Variants in OXNAD1 observed in about 807,000 individuals in gnomAD.
OXNAD1 encodes the protein oxidoreductase NAD binding domain containing 1.
Under a neutral mutation model 32.9 loss-of-function variants are expected in OXNAD1, and 34 were observed. The ratio of observed to expected loss-of-function variants is 1.03; its 90% CI spans 0.79 to 1.38. OXNAD1 has a LOEUF of 1.38. OXNAD1 is among the 40% of genes most tolerant of loss of function. OXNAD1 has a pLI of 0.00. For missense variants in OXNAD1, 407 were observed against 379.4 expected (o/e 1.07, Z -0.60); for synonymous variants, 134 against 135.2 (o/e 0.99, Z 0.06).
At chr3:16,326,342 T>G (rs1005449280) in intron 9 of OXNAD1, among the ~76,000 whole-genome samples, 14 of 152,266 alleles carry the variant, frequency 9.2e-5, no homozygotes, top group African/African-American at 3.4e-4. Flanking sequence ...GGCTACACTT[T>G]CCTCAGCTGC....
At chr3:16,285,329 A>G (rs562478442) in intron 4 of OXNAD1, among the ~76,000 whole-genome samples, 1 of 152,198 alleles carries the variant, frequency 6.6e-6, no homozygotes, top group Non-Finnish European at 1.5e-5. Context: ...TGACCTTGAC[A>G]GATTTCCAAA....
intron 9 of OXNAD1, chr3:16,315,727 T>A (rs2068314613): frequency 6.6e-6 from 1 of 152,212 alleles, no homozygotes; most frequent in African/African-American, 2.4e-5. Context: ...TTTGTCTTCC[T>A]CCACCACGTC....
chr3:16,325,819 A>G (rs1246290157), intron 9 of OXNAD1, among the ~76,000 whole-genome samples: 3 of 152,128 alleles, frequency 2.0e-5, no homozygotes, highest in East Asian at 1.9e-4. Context: ...TGCACTCTCA[A>G]TCACCCTGGT....
rs375946247 is a variant in OXNAD1, at chr3:16,316,814, A to G, written c.*30+13222A>G. On this transcript the variant is annotated intron_variant, in intron 9 of 9. Coordinates refer to the OXNAD1 transcript ENST00000435829. This position sits in a 1 kb window ranked among gnomAD's most constrained non-coding sequence, Gnocchi z 4.5. ...TTGGCAACTCACCTAGTTTTAGCAC[A>G]AATTGCCCAAGACTCAGTTTTCTTC... 1.2e-6 allele frequency: 2 copies of G among 1,613,150 alleles called. No homozygotes were observed. The highest frequency in any genetic ancestry group is 2.7e-5 in the African/African-American group (2 of 74,930).
chr3:16,347,766 A>C (rs1181997314), intron 9 of OXNAD1: 1 of 152,110 alleles, frequency 6.6e-6, no homozygotes, highest in Admixed American at 6.5e-5. Context: ...TTTTGTTTAA[A>C]ATTATTATAA....
chr3:16,317,203 C>A lies in OXNAD1; in HGVS notation c.*30+13611C>A, dbSNP rs1183997720. The A allele has an allele frequency of 5.0e-6, 8 of 1,613,014 alleles. No individual in the cohort carries two copies. Among genetic ancestry groups the A allele is most frequent in the Non-Finnish European group, 6.8e-6 (8 of 1,179,972 alleles). ...TTGATTTCCTCATCTGCCTGTTGTG[C>A]ATTTCTTCTCTGGAGAATCGCCACT... On this transcript the variant is annotated intron_variant, in intron 9 of 9. Transcript: ENST00000435829. The surrounding 1 kb of genome is among the most constrained non-coding windows in gnomAD (Gnocchi z 4.3).
intron 9 of OXNAD1, chr3:16,349,159 T>A (rs747621526): frequency 1.3e-5 from 2 of 152,236 alleles, no homozygotes; most frequent in Admixed American, 6.5e-5. Context: ...AGCTTTTCTC[T>A]GTGACGTTCC....
rs1409892938 is a variant in OXNAD1 at position 16,297,361 on chromosome 3, G to A, written c.432+2364G>A. Among the ~76,000 whole-genome samples the A allele has an allele frequency of 1.3e-5, 2 of 152,124 alleles. No homozygotes were observed. The highest frequency in any genetic ancestry group is 2.9e-5 in the Non-Finnish European group (2 of 68,018). On this transcript the variant is annotated intron_variant, in intron 6 of 8. Coordinates refer to ENST00000285083, the MANE Select transcript of OXNAD1 (RefSeq NM_138381.5). This position sits in a 1 kb window ranked among gnomAD's most constrained non-coding sequence, Gnocchi z 4.3. ...AATACCAAGCGTTGGCAAGGATGTG[G>A]AGCAACTGGAACTCTCATATATTGC...
rs1411697206 is a variant in OXNAD1, at chr3:16,297,055, C to T, written c.432+2058C>T. 2.0e-5 allele frequency among the ~76,000 whole-genome samples: 3 copies of T among 152,174 alleles called. No individual in the cohort carries two copies. The highest frequency in any genetic ancestry group is 7.2e-5 in the African/African-American group (3 of 41,446). On this transcript the variant is annotated intron_variant, in intron 6 of 8. Transcript: ENST00000285083. The surrounding 1 kb of genome is among the most constrained non-coding windows in gnomAD (Gnocchi z 4.3). ...TTTAACACAATTTAAAAACAAGCTACAGACTAGGAGAAAATATTTACAAAT... is the reference window on the plus strand; with the variant it reads ...TTTAACACAATTTAAAAACAAGCTATAGACTAGGAGAAAATATTTACAAAT...
At position 16,305,349 on chromosome 3, in the gene OXNAD1, C is replaced by G. The variant is rs946398856; in HGVS notation, c.*1787C>G. On this transcript the variant is annotated 3_prime_UTR_variant, in exon 9 of 9. Coordinates refer to ENST00000285083, the MANE Select transcript of OXNAD1 (RefSeq NM_138381.5). This position sits in a 1 kb window ranked among gnomAD's most constrained non-coding sequence, Gnocchi z 4.5. ...TCGGTTTAGCCAGCACCACGGCTGG[C>G]TGTGTGCCTGCTACTGTCAGAGAGC... is the stretch of plus-strand genomic sequence containing the variant. 3.9e-5 allele frequency: 6 copies of G among 152,268 alleles called. No individual in the cohort carries two copies. Among genetic ancestry groups the G allele is most frequent in the African/African-American group, 1.4e-4 (6 of 41,440 alleles). 9.4% of individuals were successfully genotyped at this position (152,268 alleles called of 1,614,324 possible).
Position 16,302,636 on chromosome 3 carries a change from C to G in OXNAD1, c.676-4C>G. On this transcript the variant is annotated splice_region_variant and splice_polypyrimidine_tract_variant and intron_variant, in intron 7 of 8. Coordinates refer to ENST00000285083, the MANE Select transcript of OXNAD1 (RefSeq NM_138381.5). The surrounding 1 kb of genome is among the most constrained non-coding windows in gnomAD (Gnocchi z 4.2). Reference sequence around the variant, plus strand: ...AGTGTGACCAAATATGTTTGACATTCCAGAAAAATATCCTTGATTTAGTAA... The same window carrying G: ...AGTGTGACCAAATATGTTTGACATTGCAGAAAAATATCCTTGATTTAGTAA... 1 of 1,598,132 alleles carries G rather than the reference C, an allele frequency of 6.3e-7. No homozygotes were observed. The highest frequency in any genetic ancestry group is 8.6e-7 in the Non-Finnish European group (1 of 1,167,402).
rs10703577 is a variant in OXNAD1, at chr3:16,345,264, T to TTGTGTGTGTGTGTGTGTGTGTGTGTGTG, written c.*31-3902_*31-3875dup. On this transcript the variant is annotated intron_variant, in intron 9 of 9. Transcript: ENST00000606098. The surrounding 1 kb of genome is among the most constrained non-coding windows in gnomAD (Gnocchi z 5.2). ...AAACTGTAAGATAATAAGTAGGTGG[T>TTGTGTGTGTGTGTGTGTGTGTGTGTGTG]TGTGTGTGTGTGTGTGTGTGTGTGT... 1.5e-3 allele frequency: 214 copies of TTGTGTGTGTGTGTGTGTGTGTGTGTGTG among 145,912 alleles called. 3 individuals carry two copies. The highest frequency in any genetic ancestry group is 5.4e-3 in the African/African-American group (205 of 37,836). The allele number at this position is 145,912 out of a possible 1,614,324, so 9.0% of individuals were successfully genotyped here.
At chr3:16,275,592 A>AGAAAG (rs1278945684) in intron 4 of OXNAD1, 1 of 157,460 alleles carries the variant, frequency 6.4e-6, no homozygotes, top group African/African-American at 2.4e-5. Flanking sequence ...AGAAAAGAAA[A>AGAAAG]GAATCTTCCA....
Position 16,277,352 on chromosome 3 carries a change from GC to G in OXNAD1, c.183+5634del, listed in dbSNP as rs1049399317. The stretch of plus-strand genomic sequence containing the variant: ...AGCAGTATATGGTCATTAGGAACTT[GC>G]CCCAATCTCCAGAGGGTGCTCCTAG... On this transcript the variant is annotated intron_variant, in intron 4 of 8. Transcript: ENST00000285083. The surrounding 1 kb of genome is among the most constrained non-coding windows in gnomAD (Gnocchi z 4.3). Among the ~76,000 whole-genome samples the G allele has an allele frequency of 1.3e-5, 2 of 152,258 alleles. No individual in the cohort carries two copies. Among genetic ancestry groups the G allele is most frequent in the Admixed American group, 1.3e-4 (2 of 15,298 alleles).
intron 9 of OXNAD1, among the ~76,000 whole-genome samples, chr3:16,328,549 T>C (rs758159042): frequency 5.4e-4 from 83 of 152,322 alleles, no homozygotes; most frequent in Non-Finnish European, 4.4e-4. Context: ...GACTAATTTA[T>C]CCCTTGGCAG....
At chr3:16,291,462 CTA>C (rs1385339667) in intron 5 of OXNAD1, among the ~76,000 whole-genome samples, 1 of 152,178 alleles carries the variant, frequency 6.6e-6, no homozygotes, top group African/African-American at 2.4e-5. Context: ...TATTTTGTCT[CTA>C]TGGATTTGTC....
chr3:16,296,005 C>A (rs2066761078), intron 6 of OXNAD1, among the ~76,000 whole-genome samples: 1 of 152,064 alleles, frequency 6.6e-6, no homozygotes, highest in Non-Finnish European at 1.5e-5. Flanking sequence ...AGAGCACCAA[C>A]AAAAATACAT....
At chr3:16,313,205 A>AGTTTTTTTTTTTTTTTTT (rs2068093469) in intron 9 of OXNAD1, among the ~76,000 whole-genome samples, 1 of 103,812 alleles carries the variant, frequency 9.6e-6, no homozygotes. Flanking sequence ...CACCCAGCGG[A>AGTTTTTTTTTTTTTTTTT]TTTTTTTTTT....
chr3:16,302,568 G>T lies in OXNAD1; in HGVS notation c.676-72G>T. On this transcript the variant is annotated intron_variant, in intron 7 of 8. Transcript: ENST00000285083. The surrounding 1 kb of genome is among the most constrained non-coding windows in gnomAD (Gnocchi z 4.2). ...TGTGCAGAATGGGAGTTGAGGTTCA[G>T]CGTCAATGGTTGTGCACATCTGTTT... 1.0e-6 allele frequency: 1 copy of T among 991,940 alleles called. No individual in the cohort carries two copies. Among genetic ancestry groups the T allele is most frequent in the Non-Finnish European group, 1.6e-6 (1 of 644,704 alleles). 61.4% of individuals were successfully genotyped at this position (991,940 alleles called of 1,614,324 possible).
Sources: gnomAD v4.1 joint callset for allele counts (sites outside exome capture counted in the v4.1 genomes callset) on GRCh38, gnomAD v4.1.1 for gene constraint, Gnocchi (gnomAD v3.1) non-coding constraint, MANE v1.5 for transcripts, NCBI Gene and HGNC (gene_info 2026-07-23, HGNC 2026-07-21) for gene names.